TNNI3: variants seen among roughly 807,000 people sequenced by gnomAD.
The protein encoded by TNNI3 is troponin I3, cardiac type, also known as troponin I, cardiac muscle.
TNNI3 carries 23 observed loss-of-function variants against 31.5 expected under a neutral mutation model. That is an observed-to-expected ratio of 0.73 (90% CI 0.52 to 1.03). The LOEUF is 1.03. Ranked by LOEUF, TNNI3 falls within the 50% of genes least tolerant of loss-of-function variation. The pLI is 0.00. For synonymous variants in TNNI3, 120 were observed against 111.7 expected, an observed-to-expected ratio of 1.07 and a Z score of -0.47; for missense variants, 236 against 282.9, an observed-to-expected ratio of 0.83 and a Z score of 1.19.
At position 55,157,196 on chromosome 19, in the gene TNNI3, C is replaced by T; in HGVS notation, c.25-63G>A. The T allele has an allele frequency of 3.8e-6, 6 of 1,592,538 alleles. No individual in the cohort carries two copies. The highest frequency in any genetic ancestry group is 1.1e-5 in the South Asian group (1 of 88,006). On this transcript the variant is annotated intron_variant, in intron 2 of 7. Transcript: ENST00000344887. This position sits in a 1 kb window ranked among gnomAD's most constrained non-coding sequence, Gnocchi z 6.3. ...ACCCCACCCAGCCCTTACCGTACCGCACCCTCTGCTAGGGCTGCAGCCTCC... is the reference window on the plus strand; with the variant it reads ...ACCCCACCCAGCCCTTACCGTACCGTACCCTCTGCTAGGGCTGCAGCCTCC...
At chr19:55,154,707 C>A in intron 6 of TNNI3, 34 bp downstream of exon 6, 2 of 1,599,786 alleles carry the variant, frequency 1.3e-6, no homozygotes. Flanking sequence ...TCTCACCCTA[C>A]CCCGAAGGTA....
chr19:55,156,658 A>T lies in TNNI3; in HGVS notation c.109-14T>A, dbSNP rs1181801707. On this transcript the variant is annotated splice_polypyrimidine_tract_variant and intron_variant, in intron 3 of 7. Transcript: ENST00000344887. This position sits in a 1 kb window ranked among gnomAD's most constrained non-coding sequence, Gnocchi z 4.6. ...CTTAGATTTTTTCTGCCAGGGTGAG[A>T]TGGAGCAAGGAAGGATCATGGAGGG... 2 of 1,562,236 alleles carry T rather than the reference A, an allele frequency of 1.3e-6. No homozygotes were observed. Among genetic ancestry groups the T allele is most frequent in the African/African-American group, 2.7e-5 (2 of 73,618 alleles).
At position 55,156,955 on chromosome 19, in the gene TNNI3, C is replaced by T. The variant is rs1178023882; in HGVS notation, c.108+95G>A. 9 of 1,393,170 alleles carry T rather than the reference C, an allele frequency of 6.5e-6. No homozygotes were observed. The African/African-American group carries it at 7.1e-5, about 11-fold the overall frequency. 86.3% of individuals were successfully genotyped at this position (1,393,170 alleles called of 1,614,324 possible). A position where few individuals can be genotyped will look rare whatever the true frequency, so the allele number is the denominator to read the frequency against. ...CGCCCCTGAAGCCCCTCCGCGTAGT[C>T]CCCGCCCCCTTCGCAGCCCTGGCTC... On this transcript the variant is annotated intron_variant, in intron 3 of 7. Coordinates refer to ENST00000344887, the MANE Select transcript of TNNI3 (RefSeq NM_000363.5). The surrounding 1 kb of genome is among the most constrained non-coding windows in gnomAD (Gnocchi z 4.6).
At position 55,156,993 on chromosome 19, in the gene TNNI3, C is replaced by G. The variant is rs927867479; in HGVS notation, c.108+57G>C. On this transcript the variant is annotated intron_variant, in intron 3 of 7. Coordinates refer to ENST00000344887, the MANE Select transcript of TNNI3 (RefSeq NM_000363.5). This position sits in a 1 kb window ranked among gnomAD's most constrained non-coding sequence, Gnocchi z 4.6. Reference sequence around the variant, plus strand: ...GCAGCCCTGGCTCCTCCCCCCACTCCCAGGGTCTTGGATCCCTCCGGCGCC... The same window carrying G: ...GCAGCCCTGGCTCCTCCCCCCACTCGCAGGGTCTTGGATCCCTCCGGCGCC... 6.5e-7 allele frequency: 1 copy of G among 1,533,700 alleles called. No homozygotes were observed. Among genetic ancestry groups the G allele is most frequent in the South Asian group, 1.2e-5 (1 of 84,164 alleles).
In TNNI3 at chr19:55,152,613, T is replaced by C. The variant is rs749647065; in HGVS notation, c.550-696A>G. Among the ~76,000 whole-genome samples, 8 of 152,194 alleles carry C rather than the reference T, an allele frequency of 5.3e-5. No individual in the cohort carries two copies. The highest frequency in any genetic ancestry group is 1.0e-4 in the Non-Finnish European group (7 of 68,038). ...TCATGAGTTTTATTACAATCTGTTA[T>C]AATTGTTCTATTTTATTATTATTAT... On this transcript the variant is annotated intron_variant, in intron 7 of 7. Coordinates refer to ENST00000344887, the MANE Select transcript of TNNI3 (RefSeq NM_000363.5). The surrounding 1 kb of genome is among the most constrained non-coding windows in gnomAD (Gnocchi z 4.0).
At position 55,157,568 on chromosome 19, in the gene TNNI3, G is replaced by T. The variant is rs900642897; in HGVS notation, c.11+11C>A. On this transcript the variant is annotated intron_variant, in intron 1 of 7. Transcript: ENST00000344887. This position sits in a 1 kb window ranked among gnomAD's most constrained non-coding sequence, Gnocchi z 6.3. ...CGCCCCCAACTCCCACTGCCTTGGG[G>T]CATCACTCACCCATCCGCCATGCTG... The T allele has an allele frequency of 1.2e-6, 2 of 1,613,940 alleles. No homozygotes were observed. Among genetic ancestry groups the T allele is most frequent in the Middle Eastern group, 1.6e-4 (1 of 6,062 alleles).
chr19:55,157,692 G>A lies in TNNI3; in HGVS notation c.-103C>T, dbSNP rs557391836. 2.5e-4 allele frequency: 353 copies of A among 1,396,424 alleles called. 1 individual carries two copies. In the African/African-American group the frequency reaches 4.5e-3, roughly 18 times the overall value. The allele number at this position is 1,396,424 out of a possible 1,614,324, so 86.5% of individuals were successfully genotyped here. ...GGTGACCTTCAGGGTCCCAGGGACC[G>A]TCAGTCTCCTCCGGGCTGCTTGAGA... On this transcript the variant is annotated 5_prime_UTR_variant, in exon 1 of 8. It adds an upstream start codon to the 5' untranslated region. Transcript: ENST00000344887. The surrounding 1 kb of genome is among the most constrained non-coding windows in gnomAD (Gnocchi z 6.3).
At position 55,157,054 on chromosome 19, in the gene TNNI3, G is replaced by A. The variant is rs1190447904; in HGVS notation, c.104C>T (p.Ala35Val). Residue 35 changes from alanine (A) to valine (V), a missense_variant, in exon 3 of 8, where the codon GCC becomes GTC. Transcript: ENST00000344887. The surrounding 1 kb of genome is among the most constrained non-coding windows in gnomAD (Gnocchi z 6.3). Reference protein sequence around the residue: ...NYRAYATEPHAKKKSKISASR... With the variant: ...NYRAYATEPHVKKKSKISASR... The stretch of plus-strand genomic sequence containing the variant: ...CCCCAGGAAGCCCCGTCCCACCTTG[G>A]CGTGCGGCTCCGTGGCATAAGCGCG... The A allele has an allele frequency of 7.5e-6, 12 of 1,591,018 alleles. No individual in the cohort carries two copies. Among genetic ancestry groups the A allele is most frequent in the Middle Eastern group, 1.9e-4 (1 of 5,300 alleles).
At position 55,157,361 on chromosome 19, in the gene TNNI3, C is replaced by T. The variant is rs2085741810; in HGVS notation, c.12-53G>A. The T allele has an allele frequency of 6.3e-7, 1 of 1,595,200 alleles. No individual in the cohort carries two copies. Among genetic ancestry groups the T allele is most frequent in the Admixed American group, 1.7e-5 (1 of 57,672 alleles). The stretch of plus-strand genomic sequence containing the variant: ...GTTAGTGGTGGGCTGTGTCCTGTCT[C>T]CTAAGGGACCCCTGGAGTCCCCTCT... On this transcript the variant is annotated intron_variant, in intron 1 of 7. Coordinates refer to ENST00000344887, the MANE Select transcript of TNNI3 (RefSeq NM_000363.5). The surrounding 1 kb of genome is among the most constrained non-coding windows in gnomAD (Gnocchi z 6.3).
rs772020937 is a variant in TNNI3 at position 55,157,004 on chromosome 19, G to A, written c.108+46C>T. 1 of 1,544,456 alleles carries A rather than the reference G, an allele frequency of 6.5e-7. No homozygotes were observed. Among genetic ancestry groups the A allele is most frequent in the African/African-American group, 1.4e-5 (1 of 73,988 alleles). The stretch of plus-strand genomic sequence containing the variant: ...TCCTCCCCCCACTCCCAGGGTCTTG[G>A]ATCCCTCCGGCGCCTGTACTCTGCC... On this transcript the variant is annotated intron_variant, in intron 3 of 7. Transcript: ENST00000344887. The surrounding 1 kb of genome is among the most constrained non-coding windows in gnomAD (Gnocchi z 6.3).
In TNNI3 at chr19:55,157,560, G is replaced by C; in HGVS notation, c.11+19C>G. ...CGGGAGGTCGCCCCCAACTCCCACT[G>C]CCTTGGGGCATCACTCACCCATCCG... On this transcript the variant is annotated intron_variant, in intron 1 of 7. Transcript: ENST00000344887. The surrounding 1 kb of genome is among the most constrained non-coding windows in gnomAD (Gnocchi z 6.3). The C allele has an allele frequency of 6.2e-7, 1 of 1,613,910 alleles. No homozygotes were observed.
At position 55,157,187 on chromosome 19, in the gene TNNI3, A is replaced by G; in HGVS notation, c.25-54T>C. ...ACCACCAAGACCCCACCCAGCCCTT[A>G]CCGTACCGCACCCTCTGCTAGGGCT... On this transcript the variant is annotated intron_variant, in intron 2 of 7. Transcript: ENST00000344887. The surrounding 1 kb of genome is among the most constrained non-coding windows in gnomAD (Gnocchi z 6.3). The G allele has an allele frequency of 1.9e-6, 3 of 1,588,898 alleles. No homozygotes were observed. Among genetic ancestry groups the G allele is most frequent in the Non-Finnish European group, 1.7e-6 (2 of 1,168,624 alleles).
At position 55,156,660 on chromosome 19, in the gene TNNI3, G is replaced by A; in HGVS notation, c.109-16C>T. On this transcript the variant is annotated splice_polypyrimidine_tract_variant and intron_variant, in intron 3 of 7. Coordinates refer to ENST00000344887, the MANE Select transcript of TNNI3 (RefSeq NM_000363.5). The surrounding 1 kb of genome is among the most constrained non-coding windows in gnomAD (Gnocchi z 4.6). ...TAGATTTTTTCTGCCAGGGTGAGAT[G>A]GAGCAAGGAAGGATCATGGAGGGGG... 6.4e-7 allele frequency: 1 copy of A among 1,562,032 alleles called. No homozygotes were observed. The highest frequency in any genetic ancestry group is 8.7e-7 in the Non-Finnish European group (1 of 1,151,536).
In TNNI3 at chr19:55,157,578, C is replaced by A. The variant is rs2085744080; in HGVS notation, c.11+1G>T. The A allele has an allele frequency of 1.9e-6, 3 of 1,613,870 alleles. No individual in the cohort carries two copies. The African/African-American group carries it at 4.0e-5, about 22-fold the overall frequency. ...TCCCACTGCCTTGGGGCATCACTCA[C>A]CCATCCGCCATGCTGAGACTCAGGC... On this transcript the variant is annotated splice_donor_variant, in intron 1 of 7. Transcript: ENST00000344887. LOFTEE classifies it high-confidence loss of function. This position sits in a 1 kb window ranked among gnomAD's most constrained non-coding sequence, Gnocchi z 6.3.
intron 7 of TNNI3, among the ~76,000 whole-genome samples, chr19:55,153,120 CATGGT>C (rs1201215929): frequency 1.3e-5 from 2 of 151,942 alleles, no homozygotes; most frequent in Non-Finnish European, 2.9e-5. Context: ...TTTATAGAGA[CATGGT>C]CTCGCCATGT....
In TNNI3 at chr19:55,156,276, G is replaced by T. The variant is rs201422579; in HGVS notation, c.207C>A (p.Arg69=). ...TGCTCAGAGCGCGCCCCTTCTCTCC[G>T]CGCCGCTCCTCCGCCTCTCGCTCCA... ...QELEREAEER[R]GEKGRALSTR... Residue 69 remains arginine, a synonymous_variant, in exon 5 of 8, where the codon CGC becomes CGA. Coordinates refer to ENST00000344887, the MANE Select transcript of TNNI3 (RefSeq NM_000363.5). This position sits in a 1 kb window ranked among gnomAD's most constrained non-coding sequence, Gnocchi z 4.6. 3 of 1,611,348 alleles carry T rather than the reference G, an allele frequency of 1.9e-6. No homozygotes were observed. In the South Asian group the frequency reaches 3.3e-5, roughly 18 times the overall value.
chr19:55,157,096 C>T lies in TNNI3; in HGVS notation c.62G>A (p.Arg21His). Residue 21 changes from arginine (R) to histidine (H), a missense_variant, in exon 3 of 8, where the codon CGC becomes CAC. Physicochemically the swap from Arg to His is conservative, Grantham distance 29 (BLOSUM62 0). Coordinates refer to ENST00000344887, the MANE Select transcript of TNNI3 (RefSeq NM_000363.5). The surrounding 1 kb of genome is among the most constrained non-coding windows in gnomAD (Gnocchi z 6.3). ...EPRPAPAPIR[R>H]RSSNYRAYAT... is the part of the protein sequence containing the mutation. Reference sequence around the variant, plus strand: ...ATAAGCGCGGTAGTTGGAGGAGCGGCGTCTGATTGGGGCTGGTGCAGGGCG... The same window carrying T: ...ATAAGCGCGGTAGTTGGAGGAGCGGTGTCTGATTGGGGCTGGTGCAGGGCG... 1.9e-6 allele frequency: 3 copies of T among 1,602,868 alleles called. No homozygotes were observed. Among genetic ancestry groups the T allele is most frequent in the South Asian group, 1.1e-5 (1 of 88,376 alleles).
chr19:55,156,540 C>A lies in TNNI3; in HGVS notation c.150+63G>T. ...CCGCCCACCTACCCCGAAAGCCCCACCCATTCTCAAGCTCCGCCCCCTGAG... is the reference window on the plus strand; with the variant it reads ...CCGCCCACCTACCCCGAAAGCCCCAACCATTCTCAAGCTCCGCCCCCTGAG... On this transcript the variant is annotated intron_variant, in intron 4 of 7. Transcript: ENST00000344887. The surrounding 1 kb of genome is among the most constrained non-coding windows in gnomAD (Gnocchi z 4.6). 2 of 1,545,466 alleles carry A rather than the reference C, an allele frequency of 1.3e-6. No individual in the cohort carries two copies. Among genetic ancestry groups the A allele is most frequent in the Non-Finnish European group, 1.8e-6 (2 of 1,141,932 alleles).
chr19:55,156,715 A>C lies in TNNI3; in HGVS notation c.109-71T>G. The C allele has an allele frequency of 6.6e-7, 1 of 1,510,382 alleles. No individual in the cohort carries two copies. Among genetic ancestry groups the C allele is most frequent in the Non-Finnish European group, 9.0e-7 (1 of 1,109,818 alleles). 93.6% of individuals were successfully genotyped at this position (1,510,382 alleles called of 1,614,324 possible). On this transcript the variant is annotated intron_variant, in intron 3 of 7. Transcript: ENST00000344887. The surrounding 1 kb of genome is among the most constrained non-coding windows in gnomAD (Gnocchi z 4.6). Reference sequence around the variant, plus strand: ...GGAGACGACGGTGGAGGGGACCTCAAGACACCCCCAGCAAACCCAGCCGGT... The same window carrying C: ...GGAGACGACGGTGGAGGGGACCTCACGACACCCCCAGCAAACCCAGCCGGT...
Sources: gnomAD v4.1 joint callset for allele counts (sites outside exome capture counted in the v4.1 genomes callset) on GRCh38, gnomAD v4.1.1 for gene constraint, Gnocchi (gnomAD v3.1) non-coding constraint, MANE v1.5 for transcripts, NCBI Gene and HGNC (gene_info 2026-07-23, HGNC 2026-07-21) for gene names.